OSBPL9: variants seen among roughly 807,000 people sequenced by gnomAD.
OSBPL9 encodes the protein oxysterol binding protein like 9, also known as oxysterol-binding protein-related protein 9.
A neutral mutation model predicts 106.6 loss-of-function variants in OSBPL9; 40 were observed. The ratio of observed to expected loss-of-function variants is 0.38; its 90% CI spans 0.29 to 0.49. The LOEUF (loss-of-function observed/expected upper bound fraction) is 0.49, where lower values mean the gene tolerates loss of function less well. Ranked by LOEUF, OSBPL9 falls within the 20% of genes least tolerant of loss-of-function variation. OSBPL9 has a pLI of 0.97. For missense variants in OSBPL9, 609 were observed against 887.2 expected, an observed-to-expected ratio of 0.69 and a Z score of 3.98; for synonymous variants, 269 against 295.4, an observed-to-expected ratio of 0.91 and a Z score of 0.92.
In OSBPL9 at chr1:51,729,704, C is replaced by T; in HGVS notation, c.318+15625C>T. 1 of 651,342 alleles carries T rather than the reference C, an allele frequency of 1.5e-6. No homozygotes were observed. Among genetic ancestry groups the T allele is most frequent in the Non-Finnish European group, 2.2e-6 (1 of 463,822 alleles). 40.3% of individuals were successfully genotyped at this position (651,342 alleles called of 1,614,324 possible). A position where few individuals can be genotyped will look rare whatever the true frequency, so the allele number is the denominator to read the frequency against. ...CCAATCGTCTGCCTCTCACCTCCTA[C>T]AGCAGGTGACCCATGGCCAATCGCC... On this transcript the variant is annotated intron_variant, in intron 4 of 23. Coordinates refer to ENST00000428468, the MANE Select transcript of OSBPL9 (RefSeq NM_024586.6). The surrounding 1 kb of genome is among the most constrained non-coding windows in gnomAD (Gnocchi z 5.1).
chr1:51,665,407 G>A (rs1358605165), intron 2 of OSBPL9, among the ~76,000 whole-genome samples: 1 of 152,234 alleles, frequency 6.6e-6, no homozygotes. Context: ...GCCTCCCAAA[G>A]TGGTGGGATT....
intron 2 of OSBPL9, among the ~76,000 whole-genome samples, chr1:51,667,767 G>A (rs1648867132): frequency 1.3e-5 from 2 of 152,206 alleles, no homozygotes; most frequent in South Asian, 4.1e-4. Context: ...ACTGAAGTGT[G>A]TCTGTATTTG....
upstream of OSBPL9, chr1:51,617,048 G>A: frequency 1.2e-5 from 5 of 400,476 alleles, no homozygotes; most frequent in Non-Finnish European, 2.2e-5. Flanking sequence ...CCCGCCCCCC[G>A]CATGCTGAAT....
rs1672519939 is a variant in OSBPL9, at chr1:51,766,189, C to CA, written c.938+209dup. Among the ~76,000 whole-genome samples the CA allele has an allele frequency of 6.6e-5, 10 of 152,172 alleles. No homozygotes were observed. In the South Asian group the frequency reaches 2.1e-3, roughly 32 times the overall value. On this transcript the variant is annotated intron_variant, in intron 12 of 23. Transcript: ENST00000428468. Reference sequence around the variant, plus strand: ...TTTTGGTTGGCTTATTGAGCAAAGCCAGTTCTGTGAGAGTTTTGATTTTAG... The same window carrying CA: ...TTTTGGTTGGCTTATTGAGCAAAGCCAAGTTCTGTGAGAGTTTTGATTTTAG...
At chr1:51,786,764 C>T (rs1677743231) in intron 22 of OSBPL9, 147 bp downstream of exon 22, 1 of 605,330 alleles carries the variant, frequency 1.7e-6, no homozygotes, top group African/African-American at 1.9e-5. Context: ...TCAGAACTAC[C>T]ACTTACTACC....
intron 1 of OSBPL9, among the ~76,000 whole-genome samples, chr1:51,635,740 G>C (rs559389278): frequency 6.6e-6 from 1 of 152,104 alleles, no homozygotes; most frequent in African/African-American, 2.4e-5. Flanking sequence ...CTGACTTGAA[G>C]ATAAAATTAT....
intron 16 of OSBPL9, among the ~76,000 whole-genome samples, chr1:51,782,138 C>T (rs1382213939): frequency 1.3e-5 from 2 of 152,074 alleles, no homozygotes; most frequent in African/African-American, 4.8e-5. Context: ...GACTCAAATG[C>T]ATGTAAAAAG....
At position 51,655,012 on chromosome 1, in the gene OSBPL9, C is replaced by A. The variant is rs114773366; in HGVS notation, c.162+2971C>A. Among the ~76,000 whole-genome samples, 561 of 152,272 alleles carry A rather than the reference C, an allele frequency of 3.7e-3. 5 individuals are homozygous for A. Among genetic ancestry groups the A allele is most frequent in the African/African-American group, 0.013 (531 of 41,548 alleles). ...TGGATGGTGATGATGGTGATCATCACATCATGAACAATGTGAATGTCCTTT... is the reference window on the plus strand; with the variant it reads ...TGGATGGTGATGATGGTGATCATCAAATCATGAACAATGTGAATGTCCTTT... On this transcript the variant is annotated intron_variant, in intron 2 of 23. Transcript: ENST00000428468.
At chr1:51,670,014 T>C (rs533410235) in intron 3 of OSBPL9, among the ~76,000 whole-genome samples, 1 of 152,350 alleles carries the variant, frequency 6.6e-6, no homozygotes, top group East Asian at 1.9e-4. Flanking sequence ...TATTTCTGTG[T>C]TTTGTTTGCC....
intron 7 of OSBPL9, among the ~76,000 whole-genome samples, chr1:51,748,854 G>A (rs887934542): frequency 2.6e-5 from 4 of 152,134 alleles, no homozygotes; most frequent in African/African-American, 9.7e-5. Flanking sequence ...GGGAGGCCGA[G>A]GTGGGCGGAT....
chr1:51,762,936 T>C (rs1391182822), intron 11 of OSBPL9, among the ~76,000 whole-genome samples: 2 of 152,206 alleles, frequency 1.3e-5, no homozygotes, highest in Admixed American at 6.5e-5. Flanking sequence ...TCTTTCACCT[T>C]TTTGCCAGTT....
chr1:51,656,778 A>G (rs1373229379), intron 2 of OSBPL9, among the ~76,000 whole-genome samples: 2 of 151,466 alleles, frequency 1.3e-5, no homozygotes, highest in Non-Finnish European at 2.9e-5. Flanking sequence ...TCCTGCCTCA[A>G]CCTGCTGAGT....
At chr1:51,771,753 G>A (rs990788763) in intron 12 of OSBPL9, among the ~76,000 whole-genome samples, 2 of 152,250 alleles carry the variant, frequency 1.3e-5, no homozygotes, top group South Asian at 2.1e-4. Flanking sequence ...GAGACTTGCC[G>A]TTTCTGGAAT....
intron 4 of OSBPL9, among the ~76,000 whole-genome samples, chr1:51,735,720 A>G (rs1665529580): frequency 6.6e-6 from 1 of 152,268 alleles, no homozygotes; most frequent in Admixed American, 6.5e-5. Flanking sequence ...AATTATTGTA[A>G]CACTGAATTC....
rs957002425 is a variant in OSBPL9 at position 51,710,651 on chromosome 1, T to C, written c.242-3352T>C. Among the ~76,000 whole-genome samples the C allele has an allele frequency of 3.9e-5, 6 of 152,254 alleles. No homozygotes were observed. The East Asian group carries it at 9.6e-4, about 24-fold the overall frequency. ...AGGATATATTTCAGTGAATTCTAAA[T>C]TGACAGTTACTCTCTTTTAGCCATT... On this transcript the variant is annotated intron_variant, in intron 3 of 23. Transcript: ENST00000428468.
At chr1:51,783,368 T>TA (rs1248709560) in intron 17 of OSBPL9, among the ~76,000 whole-genome samples, 2 of 149,750 alleles carry the variant, frequency 1.3e-5, no homozygotes, top group East Asian at 3.9e-4. Flanking sequence ...TTTTTTTTTT[T>TA]AGAGTCAGTG....
rs1203495291 is a variant in OSBPL9 at position 51,729,875 on chromosome 1, C to CTGACT, written c.319-15661_319-15660insTGACT. ...GAACCTCAGTCAGGACCGCCTGCAC[C>CTGACT]GCAGTCCGGGGATCGGGTCGAGGGG... On this transcript the variant is annotated intron_variant, in intron 4 of 23. Transcript: ENST00000428468. The surrounding 1 kb of genome is among the most constrained non-coding windows in gnomAD (Gnocchi z 5.1). The CTGACT allele has an allele frequency of 8.0e-7, 1 of 1,254,570 alleles. No individual in the cohort carries two copies. 77.7% of individuals were successfully genotyped at this position (1,254,570 alleles called of 1,614,324 possible).
chr1:51,573,762 C>T (rs1429847202), upstream of OSBPL9, among the ~76,000 whole-genome samples: 2 of 148,136 alleles, frequency 1.4e-5, no homozygotes, highest in Admixed American at 6.8e-5. Context: ...TGCAGTGAGC[C>T]GAGATTGCAC....
intron 2 of OSBPL9, among the ~76,000 whole-genome samples, chr1:51,668,387 T>A (rs1649026846): frequency 3.3e-5 from 5 of 152,186 alleles, no homozygotes; most frequent in Admixed American, 3.3e-4. Flanking sequence ...TTTGGGAGAC[T>A]GAGGCAGGCA....
Sources: allele counts gnomAD v4.1 joint callset (sites outside exome capture counted in the v4.1 genomes callset), GRCh38; gene constraint gnomAD v4.1.1; non-coding constraint Gnocchi (gnomAD v3.1); transcripts MANE v1.5; gene names NCBI Gene and HGNC (gene_info 2026-07-23, HGNC 2026-07-21).